Variants in OLA1 observed in about 807,000 individuals in gnomAD.
OLA1 encodes Obg like ATPase 1, also known as obg-like ATPase 1.
Under a neutral mutation model 48.4 loss-of-function variants are expected in OLA1, and 14 were observed. That is an observed-to-expected ratio of 0.29 (90% CI 0.19 to 0.45). The LOEUF (loss-of-function observed/expected upper bound fraction) is 0.45. Ranked by LOEUF, OLA1 falls within the 20% of genes least tolerant of loss-of-function variation. The probability of loss-of-function intolerance (pLI) is 1.00; values close to 1 mark genes in which losing one functional copy is unlikely to be tolerated. For synonymous variants in OLA1, 127 were observed against 150.4 expected (o/e 0.84, Z 1.14); for missense variants, 325 against 467.1 (o/e 0.70, Z 2.80).
intron 4 of OLA1, among the ~76,000 whole-genome samples, chr2:174,164,356 T>TCTGCATAGTGCAGAATGGATACCATG: frequency 6.6e-6 from 1 of 152,138 alleles, no homozygotes; most frequent in African/African-American, 2.4e-5. Flanking sequence ...GCAATACCAT[T>TCTGCATAGTGCAGAATGGATACCATG]CTGCATAGTG....
chr2:174,116,685 C>T (rs1342597947), intron 7 of OLA1, among the ~76,000 whole-genome samples: 1 of 152,076 alleles, frequency 6.6e-6, no homozygotes, highest in Non-Finnish European at 1.5e-5. Context: ...TATGGCAAAC[C>T]TAGATATTTG....
chr2:174,211,205 A>ACACACACT (rs771890298), intron 4 of OLA1, among the ~76,000 whole-genome samples: 2 of 124,332 alleles, frequency 1.6e-5, no homozygotes, highest in Non-Finnish European at 3.4e-5. Context: ...ACACACACAC[A>ACACACACT]CTCTCTCTCT....
intron 7 of OLA1, among the ~76,000 whole-genome samples, chr2:174,097,072 G>A (rs973893258): frequency 6.6e-6 from 1 of 152,100 alleles, no homozygotes; most frequent in Non-Finnish European, 1.5e-5. Flanking sequence ...AGGAGAATCG[G>A]TTGAAACCGG....
At chr2:174,079,745 A>G (rs547261077) in intron 9 of OLA1, among the ~76,000 whole-genome samples, 2 of 152,120 alleles carry the variant, frequency 1.3e-5, no homozygotes, top group South Asian at 2.1e-4. Flanking sequence ...AACCATGGAA[A>G]GAAATTTGAG....
chr2:174,141,744 G>C, intron 5 of OLA1, 81 bp downstream of exon 5: 1 of 1,012,670 alleles, frequency 9.9e-7, no homozygotes. Context: ...AATATTAGAT[G>C]TATCATATGC....
In OLA1 at chr2:174,073,528, T is replaced by C. The variant is rs2105334352; in HGVS notation, c.*1898A>G. ...AATGTTGTAGAACTTCTAACCAAAT[T>C]AAACATTTTTAACATTTATTTTCAG... On this transcript the variant is annotated 3_prime_UTR_variant, in exon 11 of 11. Transcript: ENST00000284719. 6.6e-6 allele frequency: 1 copy of C among 152,318 alleles called. No homozygotes were observed. Among genetic ancestry groups the C allele is most frequent in the Non-Finnish European group, 1.5e-5 (1 of 68,024 alleles). The allele number at this position is 152,318 out of a possible 1,614,324, so 9.4% of individuals were successfully genotyped here. A position where few individuals can be genotyped will look rare whatever the true frequency, so the allele number is the denominator to read the frequency against.
intron 5 of OLA1, among the ~76,000 whole-genome samples, chr2:174,132,122 T>C (rs1686196882): frequency 6.6e-6 from 1 of 152,096 alleles, no homozygotes; most frequent in Non-Finnish European, 1.5e-5. Flanking sequence ...CCATCTCATA[T>C]ATTTTTCAAA....
At position 174,178,959 on chromosome 2, in the gene OLA1, A is replaced by G. The variant is rs534923962; in HGVS notation, c.374-36959T>C. 5.4e-3 allele frequency among the ~76,000 whole-genome samples: 822 copies of G among 152,056 alleles called. 3 individuals are homozygous for G. The highest frequency in any genetic ancestry group is 7.5e-3 in the Non-Finnish European group (508 of 67,794). ...GAATGAGTACAGCAAGAAAGATGCC[A>G]TATCTTATCCATTTCTTACTTGCCT... On this transcript the variant is annotated intron_variant, in intron 4 of 10. Coordinates refer to ENST00000284719, the MANE Select transcript of OLA1 (RefSeq NM_013341.5).
At position 174,072,614 on chromosome 2, in the gene OLA1, A is replaced by C. The variant is rs1236465201; in HGVS notation, c.*2812T>G. 1 of 152,272 alleles carries C rather than the reference A, an allele frequency of 6.6e-6. No homozygotes were observed. Among genetic ancestry groups the C allele is most frequent in the Non-Finnish European group, 1.5e-5 (1 of 68,052 alleles). 9.4% of individuals were successfully genotyped at this position (152,272 alleles called of 1,614,324 possible). On this transcript the variant is annotated 3_prime_UTR_variant, in exon 11 of 11. Coordinates refer to ENST00000284719, the MANE Select transcript of OLA1 (RefSeq NM_013341.5). ...AGTGAATTTAAGTAGACTAATCAGAACAATAGAAGAGGCAGGAGGAGGAGA... is the reference window on the plus strand; with the variant it reads ...AGTGAATTTAAGTAGACTAATCAGACCAATAGAAGAGGCAGGAGGAGGAGA...
intron 7 of OLA1, among the ~76,000 whole-genome samples, chr2:174,119,491 TTG>T (rs1413941196): frequency 6.6e-6 from 1 of 152,078 alleles, no homozygotes; most frequent in Non-Finnish European, 1.5e-5. Context: ...AAATAGAAAA[TTG>T]TGTGTCAAAA....
Position 174,189,881 on chromosome 2 carries a change from A to AAAAAAAAAAAAAAAC in OLA1, c.373+33151_373+33152insGTTTTTTTTTTTTTT, listed in dbSNP as rs1558996716. Among the ~76,000 whole-genome samples the AAAAAAAAAAAAAAAC allele has an allele frequency of 1.4e-5, 2 of 147,002 alleles. 1 individual carries two copies. Among genetic ancestry groups the AAAAAAAAAAAAAAAC allele is most frequent in the African/African-American group, 5.1e-5 (2 of 38,840 alleles). Reference sequence around the variant, plus strand: ...ATCAGAGCAAAAAAAAAAAAAACAAAACACACACACACACAACTGGAAAAC... The same window carrying AAAAAAAAAAAAAAAC: ...ATCAGAGCAAAAAAAAAAAAAACAAAAAAAAAAAAAAAAACACACACACACACACAACTGGAAAAC... On this transcript the variant is annotated intron_variant, in intron 4 of 10. Coordinates refer to ENST00000284719, the MANE Select transcript of OLA1 (RefSeq NM_013341.5).
chr2:174,147,717 T>C (rs1420186494), intron 4 of OLA1, among the ~76,000 whole-genome samples: 1 of 152,250 alleles, frequency 6.6e-6, no homozygotes. Flanking sequence ...GGAAGTGAGC[T>C]ACTGAGTAAT....
chr2:174,197,983 G>C (rs897056922), intron 4 of OLA1, among the ~76,000 whole-genome samples: 3 of 152,218 alleles, frequency 2.0e-5, no homozygotes, highest in Admixed American at 2.0e-4. Context: ...GTTTTGTTTT[G>C]AGATGGAGTC....
At chr2:174,126,070 A>G (rs1686037095) in intron 5 of OLA1, among the ~76,000 whole-genome samples, 1 of 152,180 alleles carries the variant, frequency 6.6e-6, no homozygotes, top group Non-Finnish European at 1.5e-5. Flanking sequence ...ACTATCTTAT[A>G]TAAATGATCA....
chr2:174,156,793 C>G (rs1163026274), intron 4 of OLA1, among the ~76,000 whole-genome samples: 1 of 151,846 alleles, frequency 6.6e-6, no homozygotes, highest in East Asian at 1.9e-4. Context: ...CCATGTTAGC[C>G]AGGCTGGTGT....
chr2:174,205,275 A>G (rs1037505045), intron 4 of OLA1, among the ~76,000 whole-genome samples: 8 of 152,184 alleles, frequency 5.3e-5, no homozygotes, highest in Non-Finnish European at 2.9e-5. Flanking sequence ...AATTCAGCCT[A>G]TATATACAAA....
At chr2:174,111,454 G>C (rs1685647113) in intron 7 of OLA1, among the ~76,000 whole-genome samples, 3 of 152,166 alleles carry the variant, frequency 2.0e-5, no homozygotes. Context: ...TAAATGGATA[G>C]AAATTTGCCT....
chr2:174,088,288 G>A (rs1685028634), intron 7 of OLA1, among the ~76,000 whole-genome samples: 1 of 152,160 alleles, frequency 6.6e-6, no homozygotes, highest in Non-Finnish European at 1.5e-5. Context: ...CTCCCTTGAA[G>A]GTTTACACTC....
chr2:174,159,293 G>A (rs1043503295), intron 4 of OLA1, among the ~76,000 whole-genome samples: 1 of 152,148 alleles, frequency 6.6e-6, no homozygotes, highest in African/African-American at 2.4e-5. Context: ...CTGTGTAGCT[G>A]TATTGTCTTG....
Sources: allele counts gnomAD v4.1 joint callset (sites outside exome capture counted in the v4.1 genomes callset), GRCh38; gene constraint gnomAD v4.1.1; transcripts MANE v1.5; gene names NCBI Gene and HGNC (gene_info 2026-07-23, HGNC 2026-07-21).